FUCA1: variants seen among roughly 807,000 people sequenced by gnomAD.
The protein encoded by FUCA1 is tissue alpha-L-fucosidase.
Under a neutral mutation model 56.8 loss-of-function variants are expected in FUCA1, and 52 were observed. That is an observed-to-expected ratio of 0.92 (90% CI 0.73 to 1.15). The LOEUF (loss-of-function observed/expected upper bound fraction) is 1.15, where lower values mean the gene tolerates loss of function less well. Among genes scored for constraint, FUCA1 ranks in the 50% most tolerant of loss-of-function variants. FUCA1 has a pLI of 0.00. For synonymous variants in FUCA1, 230 were observed against 226.6 expected, an observed-to-expected ratio of 1.02 and a Z score of -0.14; for missense variants, 568 against 592.6, an observed-to-expected ratio of 0.96 and a Z score of 0.43.
Position 23,868,007 on chromosome 1 carries a change from G to T in FUCA1, c.280C>A (p.Arg94Ser), listed in dbSNP as rs199940255. ...CTGAAGCCGGGCGGGTAGTTGTCGC[G>T]CATGAAGCGCTGGTACTGCGGCCGC... The part of the protein sequence containing the change: ...EGRPQYQRFM[R>S]DNYPPGFSYA... Residue 94 changes from arginine (R) to serine (S), a missense_variant, in exon 1 of 8, where the codon CGC becomes AGC. Transcript: ENST00000374479. 2.5e-6 allele frequency: 4 copies of T among 1,606,100 alleles called. No homozygotes were observed. Among genetic ancestry groups the T allele is most frequent in the South Asian group, 1.1e-5 (1 of 90,138 alleles).
rs556975353 is a variant in FUCA1, at chr1:23,863,079, G to A, written c.662+55C>T. 3.8e-6 allele frequency: 6 copies of A among 1,584,050 alleles called. No homozygotes were observed. In the African/African-American group the frequency reaches 8.1e-5, roughly 21 times the overall value. On this transcript the variant is annotated intron_variant, in intron 3 of 7. Coordinates refer to ENST00000374479, the MANE Select transcript of FUCA1 (RefSeq NM_000147.5). ...CCTCCACTTTAATGGTACCCTATAG[G>A]AAGCTCTGATTTCATTGATAAAAGT...
chr1:23,847,713 T>C (rs1639171255), intron 6 of FUCA1, among the ~76,000 whole-genome samples: 1 of 152,064 alleles, frequency 6.6e-6, no homozygotes, highest in Admixed American at 6.6e-5. Flanking sequence ...TAAATAAACC[T>C]CTATTCTTTA....
intron 6 of FUCA1, among the ~76,000 whole-genome samples, chr1:23,847,406 G>A (rs1639165378): frequency 6.6e-6 from 1 of 151,868 alleles, no homozygotes; most frequent in African/African-American, 2.4e-5. Context: ...TAGAGAAGAG[G>A]ATGAAAATCA....
chr1:23,868,240 A>T lies in FUCA1; in HGVS notation c.47T>A (p.Leu16Ter). 1.9e-6 allele frequency: 3 copies of T among 1,567,978 alleles called. No individual in the cohort carries two copies. Among genetic ancestry groups the T allele is most frequent in the Non-Finnish European group, 2.6e-6 (3 of 1,157,316 alleles). ...MRSRPAGPAL[L>*]LLLLFLGAAE... ...CGCTCCGAGGAAGAGCAGCAGCAGCAACAGCGCGGGACCCGCCGGCCGCGA... is the reference window on the plus strand; with the variant it reads ...CGCTCCGAGGAAGAGCAGCAGCAGCTACAGCGCGGGACCCGCCGGCCGCGA... Residue 16 changes from leucine (L) to a stop codon, truncating the protein, a stop_gained, in exon 1 of 8, where the codon TTG (leucine) becomes TAG (stop). Transcript: ENST00000374479. LOFTEE classifies it high-confidence loss of function.
chr1:23,855,008 G>C (rs1219223659), intron 4 of FUCA1, among the ~76,000 whole-genome samples: 1 of 150,650 alleles, frequency 6.6e-6, no homozygotes, highest in Non-Finnish European at 1.5e-5. Flanking sequence ...TCAAAAGCTG[G>C]AACTACAAAT....
intron 5 of FUCA1, among the ~76,000 whole-genome samples, chr1:23,853,190 C>A (rs1178097882): frequency 6.7e-6 from 1 of 149,686 alleles, no homozygotes; most frequent in African/African-American, 2.5e-5. Context: ...AGGTGAGGAG[C>A]GTCTCTGCCC....
chr1:23,852,705 T>C (rs1639290028), intron 5 of FUCA1, among the ~76,000 whole-genome samples: 1 of 152,164 alleles, frequency 6.6e-6, no homozygotes, highest in Non-Finnish European at 1.5e-5. Context: ...CTCCAGCTCC[T>C]AACTGCGAGT....
chr1:23,846,199 A>G (rs1350610463), intron 6 of FUCA1, 26 bp from the exon 7 acceptor site: 1 of 1,405,976 alleles, frequency 7.1e-7, no homozygotes, highest in East Asian at 2.3e-5. Context: ...CAACACTGTC[A>G]AAGATACCTG....
Position 23,845,615 on chromosome 1 carries a change from T to C in FUCA1, c.*100A>G, listed in dbSNP as rs1379636431. 3 of 1,408,352 alleles carry C rather than the reference T, an allele frequency of 2.1e-6. No individual in the cohort carries two copies. Among genetic ancestry groups the C allele is most frequent in the Non-Finnish European group, 3.0e-6 (3 of 993,886 alleles). The allele number at this position is 1,408,352 out of a possible 1,614,324, so 87.2% of individuals were successfully genotyped here. On this transcript the variant is annotated 3_prime_UTR_variant, in exon 8 of 8. Transcript: ENST00000374479. ...ATGTGTTGGAAAAGCCATCTCTGGG[T>C]GGAGAAGAGAAGTTCGTTGATTATA...
chr1:23,850,590 T>C (rs912188353), intron 5 of FUCA1, among the ~76,000 whole-genome samples: 5 of 152,000 alleles, frequency 3.3e-5, no homozygotes, highest in Non-Finnish European at 5.9e-5. Flanking sequence ...TTCAAGCAAT[T>C]CTCCTGCCTC....
intron 2 of FUCA1, among the ~76,000 whole-genome samples, chr1:23,865,140 T>A (rs1639596578): frequency 6.6e-6 from 1 of 152,116 alleles, no homozygotes; most frequent in Non-Finnish European, 1.5e-5. Context: ...CAATCAAACT[T>A]TATGATTTAT....
chr1:23,859,459 G>A (rs1331747677), intron 4 of FUCA1, among the ~76,000 whole-genome samples: 2 of 151,864 alleles, frequency 1.3e-5, no homozygotes, highest in Non-Finnish European at 2.9e-5. Context: ...TCAGCTACTC[G>A]GAAGGCTGAG....
At chr1:23,861,459 C>G (rs1439168367) in intron 3 of FUCA1, among the ~76,000 whole-genome samples, 1 of 150,110 alleles carries the variant, frequency 6.7e-6, no homozygotes, top group Non-Finnish European at 1.5e-5. Flanking sequence ...AATGGTGTTT[C>G]AAGGAAGCAA....
At chr1:23,846,531 A>C (rs1639145281) in intron 6 of FUCA1, among the ~76,000 whole-genome samples, 2 of 151,900 alleles carry the variant, frequency 1.3e-5, no homozygotes, top group African/African-American at 4.8e-5. Context: ...TTGGCCTCCC[A>C]AAGTGCTGGG....
At chr1:23,862,843 G>A (rs1230402900) in intron 3 of FUCA1, among the ~76,000 whole-genome samples, 1 of 152,158 alleles carries the variant, frequency 6.6e-6, no homozygotes, top group Non-Finnish European at 1.5e-5. Context: ...CCTCTCCAGG[G>A]TCCTGACATA....
At chr1:23,846,736 C>T (rs1048380754) in intron 6 of FUCA1, among the ~76,000 whole-genome samples, 9 of 152,028 alleles carry the variant, frequency 5.9e-5, no homozygotes, top group African/African-American at 9.7e-5. Flanking sequence ...TGCCTGCCAC[C>T]ATACCCTGCT....
rs1316588405 is a variant in FUCA1 at position 23,867,850 on chromosome 1, T to C, written c.389+48A>G. The C allele has an allele frequency of 1.3e-6, 2 of 1,519,076 alleles. No homozygotes were observed. Among genetic ancestry groups the C allele is most frequent in the Admixed American group, 2.1e-5 (1 of 48,404 alleles). The allele number at this position is 1,519,076 out of a possible 1,614,324, so 94.1% of individuals were successfully genotyped here. Reference sequence around the variant, plus strand: ...CTGGCCGCCCAGCCCCACCTCCTGTTTGCCGCCCGAGCCGGGAAGGGGCGC... The same window carrying C: ...CTGGCCGCCCAGCCCCACCTCCTGTCTGCCGCCCGAGCCGGGAAGGGGCGC... On this transcript the variant is annotated intron_variant, in intron 1 of 7. Transcript: ENST00000374479. This position sits in a 1 kb window ranked among gnomAD's most constrained non-coding sequence, Gnocchi z 4.9.
chr1:23,845,616 G>A lies in FUCA1; in HGVS notation c.*99C>T. On this transcript the variant is annotated 3_prime_UTR_variant, in exon 8 of 8. Coordinates refer to ENST00000374479, the MANE Select transcript of FUCA1 (RefSeq NM_000147.5). ...TGTGTTGGAAAAGCCATCTCTGGGT[G>A]GAGAAGAGAAGTTCGTTGATTATAG... The A allele has an allele frequency of 1.4e-6, 2 of 1,413,332 alleles. No individual in the cohort carries two copies. The highest frequency in any genetic ancestry group is 2.3e-5 in the South Asian group (2 of 86,448). 87.5% of individuals were successfully genotyped at this position (1,413,332 alleles called of 1,614,324 possible).
At chr1:23,848,391 G>T (rs1252503282) in intron 6 of FUCA1, among the ~76,000 whole-genome samples, 1 of 152,158 alleles carries the variant, frequency 6.6e-6, no homozygotes, top group Non-Finnish European at 1.5e-5. Flanking sequence ...AGGGGGCAGG[G>T]TAATAATCTC....
Sources: allele counts gnomAD v4.1 joint callset (sites outside exome capture counted in the v4.1 genomes callset), GRCh38; gene constraint gnomAD v4.1.1; non-coding constraint Gnocchi (gnomAD v3.1); transcripts MANE v1.5; gene names NCBI Gene and HGNC (gene_info 2026-07-23, HGNC 2026-07-21).